Variants in VIL1 observed in about 807,000 individuals in gnomAD.
VIL1 encodes villin-1.
Under a neutral mutation model 104.0 loss-of-function variants are expected in VIL1, and 86 were observed. That is an observed-to-expected ratio of 0.83 (90% CI 0.69 to 0.99). VIL1 has a LOEUF of 0.99. VIL1 is among the 50% of genes least tolerant of loss of function. The probability of loss-of-function intolerance (pLI) is 0.00; values close to 1 mark genes in which losing one functional copy is unlikely to be tolerated. For synonymous variants in VIL1, 394 were observed against 412.6 expected (o/e 0.95, Z 0.55); for missense variants, 944 against 1,054.1 (o/e 0.90, Z 1.45).
At chr2:218,430,677 G>A (rs1489276270) in intron 9 of VIL1, 48 bp from the exon 10 acceptor site, 57 of 1,529,618 alleles carry the variant, frequency 3.7e-5, no homozygotes, top group Non-Finnish European at 4.9e-5. Flanking sequence ...CATTGGGAGT[G>A]GGGACTAGGG....
chr2:218,435,581 A>G, intron 15 of VIL1, 147 bp downstream of exon 15: 1 of 1,163,454 alleles, frequency 8.6e-7, no homozygotes, highest in Non-Finnish European at 1.2e-6. Context: ...TACAAGATGA[A>G]TAAAGGGCAG....
chr2:218,438,715 C>A lies in VIL1; in HGVS notation c.2218C>A (p.Gln740Lys), dbSNP rs950746574. Residue 740 changes from glutamine (Q) to lysine (K), a missense_variant, in exon 18 of 20, where the codon CAG (glutamine) becomes AAG (lysine). Coordinates refer to ENST00000248444, the MANE Select transcript of VIL1 (RefSeq NM_007127.3). ...GCTTGGCAACTCTAGGGACTGGAGC[C>A]AGATCACTGCTGTGAGTCCGGGGCG... ...AELGNSRDWSQITAEVTSPKV... is the reference protein window; with the variant it reads ...AELGNSRDWSKITAEVTSPKV... The A allele has an allele frequency of 6.2e-7, 1 of 1,611,870 alleles. No homozygotes were observed. The highest frequency in any genetic ancestry group is 8.5e-7 in the Non-Finnish European group (1 of 1,179,522).
intron 19 of VIL1, among the ~76,000 whole-genome samples, chr2:218,448,913 G>A (rs958232725): frequency 2.6e-5 from 4 of 151,792 alleles, no homozygotes; most frequent in Non-Finnish European, 5.9e-5. Flanking sequence ...GCTGAGGCAG[G>A]AGAATCACTT....
In VIL1 at chr2:218,420,854, G is replaced by A. The variant is rs1470910850; in HGVS notation, c.-12+1686G>A. The stretch of plus-strand genomic sequence containing the variant: ...CCTGCCTCGGCCTCCCAAAGTGCTG[G>A]GATTACACGCGTGAGCCACCACGCC... On this transcript the variant is annotated intron_variant, in intron 1 of 19. Coordinates refer to ENST00000248444, the MANE Select transcript of VIL1 (RefSeq NM_007127.3). Among the ~76,000 whole-genome samples the A allele has an allele frequency of 2.6e-5, 4 of 152,280 alleles. No individual in the cohort carries two copies. The South Asian group carries it at 8.3e-4, about 32-fold the overall frequency.
chr2:218,438,543 C>T, intron 17 of VIL1, 115 bp from the exon 18 acceptor site: 3 of 971,316 alleles, frequency 3.1e-6, no homozygotes, highest in Middle Eastern at 2.1e-4. Flanking sequence ...ATCCTCTTTC[C>T]TTTCTTACCA....
Position 218,452,430 on chromosome 2 carries a change from AC to A in VIL1, c.*3098del, listed in dbSNP as rs1689510785. The A allele has an allele frequency of 1.3e-5, 2 of 152,040 alleles. No homozygotes were observed. The highest frequency in any genetic ancestry group is 4.2e-4 in the South Asian group (2 of 4,816). The allele number at this position is 152,040 out of a possible 1,614,324, so 9.4% of individuals were successfully genotyped here. A position where few individuals can be genotyped will look rare whatever the true frequency, so the allele number is the denominator to read the frequency against. On this transcript the variant is annotated 3_prime_UTR_variant, in exon 20 of 20. Coordinates refer to ENST00000248444, the MANE Select transcript of VIL1 (RefSeq NM_007127.3). ...ACAGCCAGCTCAAAAACAACAACAA[AC>A]CCCATCAACATAGTCCAGCTGAAAT...
In VIL1 at chr2:218,435,344, G is replaced by T; in HGVS notation, c.1736G>T (p.Arg579Leu). 1 of 1,614,070 alleles carries T rather than the reference G, an allele frequency of 6.2e-7. No individual in the cohort carries two copies. The highest frequency in any genetic ancestry group is 8.5e-7 in the Non-Finnish European group (1 of 1,179,974). ...AAGATGGTTGCTGACACCATCTCCCGGACGGAGAAGCAAGTGGTGGTGGAA... is the reference window on the plus strand; with the variant it reads ...AAGATGGTTGCTGACACCATCTCCCTGACGGAGAAGCAAGTGGTGGTGGAA... ...MAKMVADTISRTEKQVVVEGQ... is the reference protein window; with the variant it reads ...MAKMVADTISLTEKQVVVEGQ... Residue 579 changes from arginine (R) to leucine (L), a missense_variant, in exon 15 of 20, where the codon CGG becomes CTG. Transcript: ENST00000248444.
intron 9 of VIL1, 99 bp from the exon 10 acceptor site, chr2:218,430,626 T>C: frequency 6.9e-7 from 1 of 1,456,544 alleles, no homozygotes; most frequent in Non-Finnish European, 9.2e-7. Context: ...GGGGTAGATC[T>C]GATGGTGGAT....
At chr2:218,432,627 A>G (rs1206760362) in intron 12 of VIL1, 166 bp from the exon 13 acceptor site, 1 of 940,866 alleles carries the variant, frequency 1.1e-6, no homozygotes, top group East Asian at 2.6e-5. Context: ...GAACTGAGGT[A>G]TGGTTCAGAT....
rs1323512515 is a variant in VIL1, at chr2:218,451,251, A to G, written c.*1915A>G. 6.6e-6 allele frequency: 1 copy of G among 152,162 alleles called. No homozygotes were observed. The highest frequency in any genetic ancestry group is 2.4e-5 in the African/African-American group (1 of 41,444). 9.4% of individuals were successfully genotyped at this position (152,162 alleles called of 1,614,324 possible). A position where few individuals can be genotyped will look rare whatever the true frequency, so the allele number is the denominator to read the frequency against. On this transcript the variant is annotated 3_prime_UTR_variant, in exon 20 of 20. Transcript: ENST00000248444. Reference sequence around the variant, plus strand: ...AGACATCCATCCATTTTATTGGAACACTTTTATGTGACTTGAATCTGGTGT... The same window carrying G: ...AGACATCCATCCATTTTATTGGAACGCTTTTATGTGACTTGAATCTGGTGT...
At chr2:218,424,995 T>C (rs1298312878) in intron 3 of VIL1, among the ~76,000 whole-genome samples, 3 of 152,174 alleles carry the variant, frequency 2.0e-5, no homozygotes, top group East Asian at 3.9e-4. Context: ...ATTTTCACCA[T>C]ACCCTGGTAC....
intron 19 of VIL1, among the ~76,000 whole-genome samples, chr2:218,445,430 C>T (rs566590119): frequency 6.6e-6 from 1 of 152,036 alleles, no homozygotes; most frequent in South Asian, 2.1e-4. Context: ...CAAAAAGAAC[C>T]CCCAAACCAA....
At chr2:218,429,735 G>A (rs887508467) in intron 8 of VIL1, 60 bp downstream of exon 8, 8 of 1,576,566 alleles carry the variant, frequency 5.1e-6, no homozygotes, top group Admixed American at 1.7e-5. Flanking sequence ...CCTCAAGCAG[G>A]AAAAATTCCA....
intron 19 of VIL1, among the ~76,000 whole-genome samples, chr2:218,448,022 G>A (rs954975639): frequency 6.6e-6 from 1 of 152,236 alleles, no homozygotes; most frequent in African/African-American, 2.4e-5. Flanking sequence ...CACTTTGGGA[G>A]GCCAAGACGG....
In VIL1 at chr2:218,429,672, C is replaced by G; in HGVS notation, c.846C>G (p.His282Gln). Reference sequence around the variant, plus strand: ...CACTGACACAGGACCTGCTCAGTCACGAGGTAAGAGGGTCTGGAGACCCCT... The same window carrying G: ...CACTGACACAGGACCTGCTCAGTCAGGAGGTAAGAGGGTCTGGAGACCCCT... ...TRPLTQDLLSHEDCYILDQGG... is the reference protein window; with the variant it reads ...TRPLTQDLLSQEDCYILDQGG... Residue 282 changes from histidine to glutamine, a missense_variant, in exon 8 of 20, where the codon CAC (histidine) becomes CAG (glutamine). By Grantham distance (24) the His-to-Gln change is conservative. Coordinates refer to ENST00000248444, the MANE Select transcript of VIL1 (RefSeq NM_007127.3). The G allele has an allele frequency of 6.2e-7, 1 of 1,614,048 alleles. No individual in the cohort carries two copies. The highest frequency in any genetic ancestry group is 8.5e-7 in the Non-Finnish European group (1 of 1,180,022).
At chr2:218,419,446 G>T (rs1688863666) in intron 1 of VIL1, among the ~76,000 whole-genome samples, 1 of 152,090 alleles carries the variant, frequency 6.6e-6, no homozygotes, top group Non-Finnish European at 1.5e-5. Context: ...CATCCCAATT[G>T]CCCTGGAACT....
chr2:218,437,145 C>T lies in VIL1; in HGVS notation c.1993C>T (p.His665Tyr). ...WDQVFFWIGK[H>Y]ANEEEKKAAA... ...ATAGGTCTTCTTCTGGATTGGGAAACATGCCAACGAGGAGGAGAAGAAGGC... is the reference window on the plus strand; with the variant it reads ...ATAGGTCTTCTTCTGGATTGGGAAATATGCCAACGAGGAGGAGAAGAAGGC... Residue 665 changes from histidine to tyrosine, a missense_variant, in exon 17 of 20, where the codon CAT becomes TAT. Coordinates refer to ENST00000248444, the MANE Select transcript of VIL1 (RefSeq NM_007127.3). 1 of 1,614,100 alleles carries T rather than the reference C, an allele frequency of 6.2e-7. No individual in the cohort carries two copies. Among genetic ancestry groups the T allele is most frequent in the East Asian group, 2.2e-5 (1 of 44,890 alleles).
At chr2:218,432,516 G>A (rs867790600) in intron 12 of VIL1, 1 of 695,824 alleles carries the variant, frequency 1.4e-6, no homozygotes, top group Non-Finnish European at 2.6e-6. Flanking sequence ...CCTGAAGAAG[G>A]AGCAGAAAGG....
intron 12 of VIL1, chr2:218,432,485 G>T: frequency 1.5e-6 from 1 of 689,514 alleles, no homozygotes; most frequent in Non-Finnish European, 2.6e-6. Flanking sequence ...GGACTGAGTG[G>T]TGTGGTGCCT....
Sources: allele counts gnomAD v4.1 joint callset (sites outside exome capture counted in the v4.1 genomes callset), GRCh38; gene constraint gnomAD v4.1.1; transcripts MANE v1.5; gene names NCBI Gene and HGNC (gene_info 2026-07-23, HGNC 2026-07-21).